TLK2: variants seen among roughly 807,000 people sequenced by gnomAD.
TLK2 encodes tousled like kinase 2, also known as serine/threonine-protein kinase tousled-like 2.
TLK2 carries 6 observed loss-of-function variants against 117.3 expected under a neutral mutation model. The observed-to-expected ratio is 0.05, with a 90% confidence interval of 0.03 to 0.10. TLK2 has a LOEUF of 0.10. Among genes scored for constraint, TLK2 ranks in the 10% least tolerant of loss-of-function variants. The probability of loss-of-function intolerance (pLI) is 1.00; values close to 1 mark genes in which losing one functional copy is unlikely to be tolerated. For synonymous variants in TLK2, 257 were observed against 316.7 expected (o/e 0.81, Z 2.00); for missense variants, 299 against 901.2 (o/e 0.33, Z 8.56).
chr17:62,508,920 A>T (rs2145196704), intron 2 of TLK2, among the ~76,000 whole-genome samples: 1 of 152,264 alleles, frequency 6.6e-6, no homozygotes, highest in African/African-American at 2.4e-5. Flanking sequence ...GTGAGCCGAG[A>T]TTGCACCACT....
At chr17:62,496,738 G>A (rs1369511015) in intron 2 of TLK2, among the ~76,000 whole-genome samples, 3 of 151,960 alleles carry the variant, frequency 2.0e-5, no homozygotes, top group African/African-American at 7.3e-5. Flanking sequence ...GGTGGATCAC[G>A]AGGTCAGGAG....
intron 16 of TLK2, among the ~76,000 whole-genome samples, chr17:62,595,910 T>C (rs945175133): frequency 7.2e-5 from 11 of 152,176 alleles, no homozygotes; most frequent in East Asian, 3.8e-4. Context: ...TTTACAGATA[T>C]GATGTATCAG....
chr17:62,510,133 C>T (rs1325481293), intron 2 of TLK2, among the ~76,000 whole-genome samples: 2 of 152,134 alleles, frequency 1.3e-5, no homozygotes, highest in African/African-American at 4.8e-5. Flanking sequence ...ATTAGCCAGA[C>T]GTGGTGGCAT....
At chr17:62,559,169 G>C (rs941241804) in intron 9 of TLK2, among the ~76,000 whole-genome samples, 1 of 152,040 alleles carries the variant, frequency 6.6e-6, no homozygotes, top group African/African-American at 2.4e-5. Context: ...TTACATTCTG[G>C]CATTCTTGAA....
At chr17:62,545,463 T>C (rs2077835830) in intron 7 of TLK2, among the ~76,000 whole-genome samples, 1 of 152,036 alleles carries the variant, frequency 6.6e-6, no homozygotes, top group Non-Finnish European at 1.5e-5. Context: ...AAAATAAATA[T>C]TACATTAGCC....
rs1178780366 is a variant in TLK2 at position 62,546,807 on chromosome 17, G to A, written c.532-5495G>A. ...ACTCCTGACCTCAGGTGATCCACCT[G>A]TCTCGGCCTCCCAAAGTGCTGGGAT... On this transcript the variant is annotated intron_variant, in intron 7 of 21. Coordinates refer to ENST00000346027, the MANE Select transcript of TLK2 (RefSeq NM_006852.6). Among the ~76,000 whole-genome samples, 35 of 152,044 alleles carry A rather than the reference G, an allele frequency of 2.3e-4. 1 individual carries two copies. Among genetic ancestry groups the A allele is most frequent in the African/African-American group, 8.4e-4 (35 of 41,490 alleles).
chr17:62,549,418 A>AAAAAAAAAAAAAT (rs2078230574), intron 7 of TLK2, among the ~76,000 whole-genome samples: 2 of 8,536 alleles, frequency 2.3e-4, no homozygotes, highest in African/African-American at 3.3e-4. Context: ...AAAAAAAAAA[A>AAAAAAAAAAAAAT]AAAAAAAAAA....
chr17:62,590,409 C>T (rs2081990210), intron 16 of TLK2, among the ~76,000 whole-genome samples: 1 of 152,126 alleles, frequency 6.6e-6, no homozygotes, highest in Admixed American at 6.5e-5. Context: ...ACTGTATGTA[C>T]TCCAGCCTGG....
chr17:62,501,436 T>C (rs2074185971), intron 2 of TLK2, among the ~76,000 whole-genome samples: 1 of 151,542 alleles, frequency 6.6e-6, no homozygotes, highest in South Asian at 2.1e-4. Flanking sequence ...CTAAAGTAAA[T>C]GAGATAGAAA....
chr17:62,585,949 C>G lies in TLK2; in HGVS notation c.1369-186C>G, dbSNP rs150581282. 9.9e-4 allele frequency: 495 copies of G among 500,576 alleles called. 1 individual carries two copies. The highest frequency in any genetic ancestry group is 8.0e-3 in the African/African-American group (414 of 51,814). The allele number at this position is 500,576 out of a possible 1,614,324, so 31.0% of individuals were successfully genotyped here. A position where few individuals can be genotyped will look rare whatever the true frequency, so the allele number is the denominator to read the frequency against. The stretch of plus-strand genomic sequence containing the variant: ...TCTAAATCCCTTGGTGCCAGTGTGT[C>G]TGGAGACTTCTAAATTATCTAATCA... On this transcript the variant is annotated intron_variant, in intron 15 of 21. Coordinates refer to ENST00000346027, the MANE Select transcript of TLK2 (RefSeq NM_006852.6).
intron 1 of TLK2, among the ~76,000 whole-genome samples, chr17:62,472,630 T>C (rs2144191541): frequency 6.6e-6 from 1 of 151,882 alleles, no homozygotes; most frequent in Admixed American, 6.6e-5. Context: ...CCCAGCTCCT[T>C]GCTAGGCTGA....
chr17:62,490,079 C>A (rs1043947344), intron 2 of TLK2, among the ~76,000 whole-genome samples: 2 of 152,218 alleles, frequency 1.3e-5, no homozygotes, highest in African/African-American at 4.8e-5. Context: ...ATCCACCTGC[C>A]TTGGCCTCCG....
intron 16 of TLK2, among the ~76,000 whole-genome samples, chr17:62,593,795 T>TC (rs1406742027): frequency 6.7e-6 from 1 of 149,436 alleles, no homozygotes; most frequent in African/African-American, 2.5e-5. Flanking sequence ...CTCTAAATTT[T>TC]TTTTTTTTTT....
chr17:62,535,014 G>A (rs1190798116), intron 6 of TLK2, among the ~76,000 whole-genome samples: 4 of 147,522 alleles, frequency 2.7e-5, no homozygotes, highest in Admixed American at 1.4e-4. Context: ...TTAGCCTCCC[G>A]AGTATCTTGG....
intron 16 of TLK2, among the ~76,000 whole-genome samples, chr17:62,588,666 G>A (rs1247465545): frequency 7.2e-5 from 11 of 151,924 alleles, no homozygotes; most frequent in Non-Finnish European, 7.4e-5. Context: ...TTTTTGTTTT[G>A]TTTTGTTTTC....
chr17:62,471,888 CTTTTTTTTTTTTTTTT>C (rs869092720), intron 1 of TLK2, among the ~76,000 whole-genome samples: 3 of 37,778 alleles, frequency 7.9e-5, no homozygotes, highest in East Asian at 9.3e-4. Context: ...GTAGTATAGT[CTTTTTTTTTTTTTTTT>C]TTTTTTTTTT....
intron 10 of TLK2, 64 bp from the exon 11 acceptor site, chr17:62,564,934 TTTC>T: frequency 6.5e-7 from 1 of 1,531,736 alleles, no homozygotes; most frequent in African/African-American, 1.4e-5. Flanking sequence ...AATGTTTTAG[TTTC>T]TAAGAAGTGT....
intron 21 of TLK2, among the ~76,000 whole-genome samples, chr17:62,610,884 A>AC (rs1240879299): frequency 6.6e-6 from 1 of 152,198 alleles, no homozygotes; most frequent in Non-Finnish European, 1.5e-5. Context: ...CATGGATCAC[A>AC]CCTGTAATCC....
intron 18 of TLK2, 111 bp downstream of exon 18, chr17:62,600,931 A>T (rs1453629700): frequency 2.6e-6 from 3 of 1,146,198 alleles, no homozygotes; most frequent in Non-Finnish European, 3.7e-6. Context: ...GGCTAATAAC[A>T]TCTGACTTTT....
Sources: allele counts gnomAD v4.1 joint callset (sites outside exome capture counted in the v4.1 genomes callset), GRCh38; gene constraint gnomAD v4.1.1; transcripts MANE v1.5; gene names NCBI Gene and HGNC (gene_info 2026-07-23, HGNC 2026-07-21).